The following EIF5B variants were observed in gnomAD, a reference collection of about 807,000 sequenced individuals.
The protein encoded by EIF5B is eIF-5B.
In EIF5B, 47 loss-of-function variants were observed where a neutral mutation model predicts 147.5. That is an observed-to-expected ratio of 0.32 (90% CI 0.25 to 0.41). The LOEUF (loss-of-function observed/expected upper bound fraction) is 0.41. Ranked by LOEUF, EIF5B falls within the 10% of genes least tolerant of loss-of-function variation. The pLI, the probability that EIF5B is intolerant of heterozygous loss-of-function variation, is 1.00. For missense variants in EIF5B, 1,064 were observed against 1,413.2 expected (o/e 0.75, Z 3.96); for synonymous variants, 455 against 456.2 (o/e 1.00, Z 0.03).
chr2:99,349,883 A>G (rs1673890828), intron 1 of EIF5B, among the ~76,000 whole-genome samples: 1 of 152,236 alleles, frequency 6.6e-6, no homozygotes, highest in Non-Finnish European at 1.5e-5. Flanking sequence ...CCTACTGTGA[A>G]GTAGAACACC....
chr2:99,338,795 G>A (rs558878118), intron 1 of EIF5B, among the ~76,000 whole-genome samples: 1 of 151,614 alleles, frequency 6.6e-6, no homozygotes, highest in Admixed American at 6.6e-5. Flanking sequence ...TTTTTTCCTT[G>A]CTAATGTTCA....
intron 22 of EIF5B, chr2:99,397,784 A>G (rs1675088382): frequency 6.6e-6 from 1 of 152,104 alleles, no homozygotes; most frequent in Non-Finnish European, 1.5e-5. Flanking sequence ...AACAGCCTTT[A>G]TCCCAGTGCC....
At chr2:99,394,128 T>A in intron 18 of EIF5B, 139 bp from the exon 19 acceptor site, 1 of 1,092,464 alleles carries the variant, frequency 9.2e-7, no homozygotes, top group Non-Finnish European at 1.3e-6. Flanking sequence ...GCACAGGTTC[T>A]GTGATGCCTT....
intron 14 of EIF5B, among the ~76,000 whole-genome samples, chr2:99,386,306 T>C (rs1408963578): frequency 1.3e-5 from 2 of 152,236 alleles, no homozygotes; most frequent in Non-Finnish European, 1.5e-5. Context: ...TTGAAAAATA[T>C]GTTCAAAATC....
At chr2:99,389,176 T>TATGCA (rs1422502385) in intron 14 of EIF5B, among the ~76,000 whole-genome samples, 1 of 152,160 alleles carries the variant, frequency 6.6e-6, no homozygotes, top group Admixed American at 6.5e-5. Flanking sequence ...TGCTTTTGAT[T>TATGCA]GTTTGTTTGG....
chr2:99,393,398 T>A (rs1417951465), intron 18 of EIF5B, among the ~76,000 whole-genome samples: 1 of 151,996 alleles, frequency 6.6e-6, no homozygotes, highest in Non-Finnish European at 1.5e-5. Flanking sequence ...CCCAGCTACT[T>A]GGGAGGCTGA....
At chr2:99,369,043 C>T (rs1056176311) in intron 7 of EIF5B, among the ~76,000 whole-genome samples, 8 of 152,196 alleles carry the variant, frequency 5.3e-5, no homozygotes, top group Admixed American at 1.3e-4. Flanking sequence ...GAGGCTGAGG[C>T]GGGCGGATCA....
Position 99,401,201 on chromosome 2 carries a change from T to C in EIF5B, c.*1787T>C, listed in dbSNP as rs377140119. The C allele has an allele frequency of 7.9e-6, 10 of 1,259,580 alleles. No homozygotes were observed. Among genetic ancestry groups the C allele is most frequent in the East Asian group, 2.3e-5 (1 of 43,130 alleles). The allele number at this position is 1,259,580 out of a possible 1,614,324, so 78.0% of individuals were successfully genotyped here. On this transcript the variant is annotated 3_prime_UTR_variant, in exon 24 of 24. Transcript: ENST00000289371. Reference sequence around the variant, plus strand: ...TTTGCAAATACCTCACAAGCACTTATGGCACAGCTATCAGAGAGCATCAGG... The same window carrying C: ...TTTGCAAATACCTCACAAGCACTTACGGCACAGCTATCAGAGAGCATCAGG...
intron 1 of EIF5B, among the ~76,000 whole-genome samples, chr2:99,338,935 T>TACAA (rs2105331577): frequency 6.8e-6 from 1 of 146,752 alleles, no homozygotes; most frequent in Admixed American, 6.9e-5. Flanking sequence ...TATATATATA[T>TACAA]ATACAAATAT....
intron 1 of EIF5B, chr2:99,338,197 C>T: frequency 1.5e-6 from 1 of 676,826 alleles, no homozygotes. Flanking sequence ...TTTCTTTGCT[C>T]TCTAGCCTTC....
At chr2:99,355,737 C>G (rs976046622) in intron 1 of EIF5B, among the ~76,000 whole-genome samples, 1 of 151,236 alleles carries the variant, frequency 6.6e-6, no homozygotes, top group Non-Finnish European at 1.5e-5. Context: ...CCCAGTCTCC[C>G]GAGTAGCTGG....
intron 21 of EIF5B, among the ~76,000 whole-genome samples, chr2:99,396,192 G>T (rs1355595180): frequency 2.0e-5 from 3 of 152,192 alleles, no homozygotes; most frequent in African/African-American, 7.2e-5. Flanking sequence ...CATGAAACCT[G>T]AAGTGAGAAG....
chr2:99,342,920 C>T (rs144899124), intron 1 of EIF5B, among the ~76,000 whole-genome samples: 255 of 152,102 alleles, frequency 1.7e-3, no homozygotes, highest in African/African-American at 6.1e-3. Flanking sequence ...AGGTGTGAGC[C>T]ACTGTGCCTG....
chr2:99,383,350 C>T (rs572786009), intron 14 of EIF5B, among the ~76,000 whole-genome samples: 1 of 152,292 alleles, frequency 6.6e-6, no homozygotes, highest in Admixed American at 6.5e-5. Flanking sequence ...GCTCTGACTG[C>T]TCCAGCAACC....
At chr2:99,392,653 C>T (rs1273164733) in intron 17 of EIF5B, among the ~76,000 whole-genome samples, 1 of 152,094 alleles carries the variant, frequency 6.6e-6, no homozygotes, top group Non-Finnish European at 1.5e-5. Flanking sequence ...TTATTTCCTC[C>T]TTCGTGAGAT....
intron 22 of EIF5B, 118 bp downstream of exon 22, chr2:99,397,016 T>C (rs539578682): frequency 8.7e-7 from 1 of 1,150,454 alleles, no homozygotes; most frequent in Admixed American, 3.3e-5. Context: ...GTATTTAGTG[T>C]GGTCTCCACC....
intron 1 of EIF5B, among the ~76,000 whole-genome samples, chr2:99,354,577 C>G (rs892425149): frequency 1.3e-5 from 2 of 152,116 alleles, no homozygotes; most frequent in African/African-American, 4.8e-5. Context: ...ACTCTTAACT[C>G]TTTGCTTAGT....
intron 12 of EIF5B, 21 bp downstream of exon 12, chr2:99,379,449 G>T: frequency 6.4e-7 from 1 of 1,566,676 alleles, no homozygotes; most frequent in South Asian, 1.2e-5. Context: ...TGTATTTCAT[G>T]TATTTTAATC....
At chr2:99,371,559 C>T (rs569601691) in intron 8 of EIF5B, 97 bp from the exon 9 acceptor site, 6 of 860,682 alleles carry the variant, frequency 7.0e-6, no homozygotes, top group East Asian at 3.0e-5. Context: ...TTAAAACATT[C>T]TTTTTTTATG....
Sources: gnomAD v4.1 joint callset for allele counts (sites outside exome capture counted in the v4.1 genomes callset) on GRCh38, gnomAD v4.1.1 for gene constraint, MANE v1.5 for transcripts, NCBI Gene and HGNC (gene_info 2026-07-23, HGNC 2026-07-21) for gene names.